THSD4: variants seen among roughly 807,000 people sequenced by gnomAD.
The protein encoded by THSD4 is thrombospondin type-1 domain-containing protein 4.
THSD4 carries 69 observed loss-of-function variants against 119.0 expected under a neutral mutation model. The observed-to-expected ratio is 0.58, with a 90% CI of 0.48 to 0.71. The LOEUF (loss-of-function observed/expected upper bound fraction) is 0.71. THSD4 is among the 30% of genes least tolerant of loss of function. The pLI is 0.00. For synonymous variants in THSD4, 524 were observed against 540.4 expected (o/e 0.97, Z 0.42); for missense variants, 1,393 against 1,391.1 (o/e 1.00, Z -0.02).
chr15:71,334,435 A>G (rs2045466820), intron 6 of THSD4, among the ~76,000 whole-genome samples: 1 of 152,244 alleles, frequency 6.6e-6, no homozygotes, highest in Non-Finnish European at 1.5e-5. Flanking sequence ...ATGAGAGTGT[A>G]TATGAAGCCT....
chr15:71,775,668 G>A (rs1212099363), intron 17 of THSD4, among the ~76,000 whole-genome samples: 1 of 152,144 alleles, frequency 6.6e-6, no homozygotes, highest in Non-Finnish European at 1.5e-5. Flanking sequence ...CTGAGATAGA[G>A]CCACTGTATT....
At chr15:71,392,013 GGA>G (rs983389365) in intron 6 of THSD4, among the ~76,000 whole-genome samples, 1 of 152,032 alleles carries the variant, frequency 6.6e-6, no homozygotes, top group Non-Finnish European at 1.5e-5. Context: ...CTTCTTCCAG[GGA>G]TATTTTAACT....
chr15:71,511,175 A>G (rs752486683), intron 7 of THSD4, among the ~76,000 whole-genome samples: 4 of 152,174 alleles, frequency 2.6e-5, no homozygotes, highest in Admixed American at 6.5e-5. Context: ...ACAAAGAGGA[A>G]GGGGGAAGAG....
intron 7 of THSD4, among the ~76,000 whole-genome samples, chr15:71,465,265 A>G (rs909713704): frequency 2.0e-5 from 3 of 152,214 alleles, no homozygotes; most frequent in Admixed American, 1.3e-4. Context: ...TGATTGACTC[A>G]GTCATTACAT....
intron 6 of THSD4, among the ~76,000 whole-genome samples, chr15:71,362,161 C>A (rs373901906): frequency 6.6e-6 from 1 of 152,132 alleles, no homozygotes; most frequent in Non-Finnish European, 1.5e-5. Context: ...TGCCTGTAAT[C>A]CCAGCTACTT....
intron 7 of THSD4, among the ~76,000 whole-genome samples, chr15:71,554,610 C>G (rs543061974): frequency 1.3e-4 from 20 of 152,080 alleles, no homozygotes; most frequent in Non-Finnish European, 2.9e-4. Context: ...TGCCCAGACT[C>G]GTCTTGAGCT....
At chr15:71,395,954 A>ACACACACACACACACAC (rs1566968379) in intron 6 of THSD4, among the ~76,000 whole-genome samples, 1 of 108,562 alleles carries the variant, frequency 9.2e-6, no homozygotes, top group South Asian at 2.6e-4. Context: ...CACACACACA[A>ACACACACACACACACAC]ACACAGACTT....
intron 7 of THSD4, among the ~76,000 whole-genome samples, chr15:71,623,260 T>C (rs1178704431): frequency 6.6e-6 from 1 of 152,212 alleles, no homozygotes. Context: ...GCCAGTGTTA[T>C]GCCATTAATG....
At chr15:71,477,887 A>G (rs541203935) in intron 7 of THSD4, among the ~76,000 whole-genome samples, 1 of 152,134 alleles carries the variant, frequency 6.6e-6, no homozygotes, top group African/African-American at 2.4e-5. Context: ...ATAACAAACT[A>G]TCTCACTGCT....
At chr15:71,708,228 A>G (rs1288185837) in intron 8 of THSD4, among the ~76,000 whole-genome samples, 3 of 152,224 alleles carry the variant, frequency 2.0e-5, no homozygotes, top group South Asian at 4.1e-4. Context: ...GAGGGAGAGT[A>G]GGAGTGCTCT....
chr15:71,127,157 T>C (rs915822562), intron 1 of THSD4, among the ~76,000 whole-genome samples: 1 of 152,242 alleles, frequency 6.6e-6, no homozygotes, highest in Non-Finnish European at 1.5e-5. Flanking sequence ...AGATTCCACA[T>C]ATAAGTAAAA....
intron 8 of THSD4, among the ~76,000 whole-genome samples, chr15:71,677,887 C>T (rs2051685704): frequency 1.3e-5 from 2 of 152,204 alleles, no homozygotes; most frequent in South Asian, 4.1e-4. Context: ...ATACTTTCCT[C>T]AAATGCAGGA....
intron 8 of THSD4, among the ~76,000 whole-genome samples, chr15:71,664,765 C>T (rs553104603): frequency 3.5e-4 from 54 of 152,234 alleles, no homozygotes; most frequent in African/African-American, 1.2e-3. Context: ...TCTGTTCCTG[C>T]GTGGTTTTCT....
intron 1 of THSD4, among the ~76,000 whole-genome samples, chr15:71,125,924 C>G (rs2040451397): frequency 6.6e-6 from 1 of 152,228 alleles, no homozygotes; most frequent in African/African-American, 2.4e-5. Context: ...GCCACATGTG[C>G]TTTCTGGCCT....
upstream of THSD4, chr15:71,113,880 G>A (rs1396846564): frequency 6.6e-6 from 1 of 151,832 alleles, no homozygotes; most frequent in Non-Finnish European, 1.5e-5. Flanking sequence ...CCATTTTTAA[G>A]TGTATAATTC....
At chr15:71,642,086 G>C (rs566535116) in intron 7 of THSD4, among the ~76,000 whole-genome samples, 1 of 152,308 alleles carries the variant, frequency 6.6e-6, no homozygotes, top group African/African-American at 2.4e-5. Flanking sequence ...TTACAAGTCA[G>C]GATCATTCAG....
chr15:71,188,199 C>T (rs2043631329), intron 3 of THSD4, among the ~76,000 whole-genome samples: 1 of 152,026 alleles, frequency 6.6e-6, no homozygotes, highest in Admixed American at 6.6e-5. Context: ...AGGAAGGGAG[C>T]CATTGAGGCT....
chr15:71,329,794 C>T (rs548692673), intron 6 of THSD4, among the ~76,000 whole-genome samples: 1 of 152,290 alleles, frequency 6.6e-6, no homozygotes, highest in Non-Finnish European at 1.5e-5. Context: ...TCCATTATTG[C>T]TATGGGCTGG....
chr15:71,631,932 T>G (rs1360277430), intron 7 of THSD4, among the ~76,000 whole-genome samples: 11 of 152,236 alleles, frequency 7.2e-5, no homozygotes, highest in Admixed American at 6.5e-4. Flanking sequence ...GCATGGGCTT[T>G]GGAGTCACTA....
Sources: gnomAD v4.1 joint callset for allele counts (sites outside exome capture counted in the v4.1 genomes callset) on GRCh38, gnomAD v4.1.1 for gene constraint, MANE v1.5 for transcripts, NCBI Gene and HGNC (gene_info 2026-07-23, HGNC 2026-07-21) for gene names.